SDR16C5: variants seen among roughly 807,000 people sequenced by gnomAD.
SDR16C5 encodes epidermal retinol dehydrogenase 2.
A neutral mutation model predicts 27.7 loss-of-function variants in SDR16C5; 20 were observed. The ratio of observed to expected loss-of-function variants is 0.72; its 90% CI spans 0.51 to 1.05. The LOEUF is 1.05. Ranked by LOEUF, SDR16C5 falls within the 50% of genes least tolerant of loss-of-function variation. The pLI, the probability that SDR16C5 is intolerant of heterozygous loss-of-function variation, is 0.00. For missense variants in SDR16C5, 374 were observed against 366.3 expected, an observed-to-expected ratio of 1.02 and a Z score of -0.17; for synonymous variants, 139 against 132.3, an observed-to-expected ratio of 1.05 and a Z score of -0.35.
intron 2 of SDR16C5, among the ~76,000 whole-genome samples, chr8:56,315,291 A>G (rs1376023808): frequency 1.3e-5 from 2 of 151,776 alleles, no homozygotes; most frequent in Admixed American, 1.3e-4. Flanking sequence ...ACGTGCCTCT[A>G]TGATGGTAAG....
intron 2 of SDR16C5, among the ~76,000 whole-genome samples, chr8:56,312,863 G>A (rs1385545209): frequency 1.4e-5 from 2 of 147,776 alleles, no homozygotes; most frequent in South Asian, 4.3e-4. Flanking sequence ...TGCAAGCTCC[G>A]CCTCCTGGGT....
chr8:56,317,571 A>G (rs545516778), intron 1 of SDR16C5, among the ~76,000 whole-genome samples: 1 of 152,256 alleles, frequency 6.6e-6, no homozygotes, highest in South Asian at 2.1e-4. Context: ...AGGAGACAGG[A>G]GGGGAGTAAT....
Position 56,301,660 on chromosome 8 carries a change from G to A in SDR16C5, c.837-87C>T, listed in dbSNP as rs566439896. On this transcript the variant is annotated intron_variant, in intron 6 of 6. Coordinates refer to ENST00000303749, the MANE Select transcript of SDR16C5 (RefSeq NM_138969.4). The stretch of plus-strand genomic sequence containing the variant: ...CTACTGAAAAGCAGTGTCACCTCTT[G>A]TGGCAGATGAAGTCACTCACTCATG... The A allele has an allele frequency of 2.8e-5, 27 of 971,580 alleles. No individual in the cohort carries two copies. In the South Asian group the frequency reaches 3.4e-4, roughly 12 times the overall value. The allele number at this position is 971,580 out of a possible 1,614,324, so 60.2% of individuals were successfully genotyped here.
intron 6 of SDR16C5, among the ~76,000 whole-genome samples, chr8:56,302,465 G>A (rs887148273): frequency 2.6e-5 from 4 of 151,966 alleles, no homozygotes; most frequent in Admixed American, 2.6e-4. Context: ...ACAAGGTCAG[G>A]AGTTTGAGAC....
intron 5 of SDR16C5, 101 bp from the exon 6 acceptor site, chr8:56,305,823 C>T (rs1814868883): frequency 8.3e-7 from 1 of 1,205,394 alleles, no homozygotes; most frequent in Non-Finnish European, 1.1e-6. Flanking sequence ...AAGACGTTAT[C>T]ACTTATTTCT....
chr8:56,313,227 T>G (rs1048794303), intron 2 of SDR16C5, among the ~76,000 whole-genome samples: 4 of 152,254 alleles, frequency 2.6e-5, no homozygotes, highest in Admixed American at 2.6e-4. Context: ...CATTTCATTT[T>G]AATCAATATG....
chr8:56,316,167 C>A lies in SDR16C5; in HGVS notation c.181G>T (p.Ala61Ser). 6.2e-7 allele frequency: 1 copy of A among 1,614,132 alleles called. No homozygotes were observed. The highest frequency in any genetic ancestry group is 8.5e-7 in the Non-Finnish European group (1 of 1,180,006). Residue 61 changes from alanine to serine, a missense_variant, in exon 2 of 7, where the codon GCC (alanine) becomes TCC (serine). Ala to Ser is a moderately conservative substitution (Grantham distance 99, BLOSUM62 1). Transcript: ENST00000303749. The stretch of plus-strand genomic sequence containing the variant: ...AGAACAAGAACAGATCCCAGCCGGG[C>A]AAACTGCAAGGCTAAGAGCCTTCCG... Reference protein sequence around the residue: ...GLGRLLALQFARLGSVLVLWD... With the variant: ...GLGRLLALQFSRLGSVLVLWD...
chr8:56,307,976 C>T (rs757283229), intron 4 of SDR16C5, among the ~76,000 whole-genome samples: 4 of 152,038 alleles, frequency 2.6e-5, no homozygotes, highest in African/African-American at 7.2e-5. Flanking sequence ...TTCAAAGGCC[C>T]GTGACAACAG....
chr8:56,308,321 T>A (rs951632934), intron 4 of SDR16C5, among the ~76,000 whole-genome samples: 2 of 152,160 alleles, frequency 1.3e-5, no homozygotes, highest in Admixed American at 1.3e-4. Flanking sequence ...GTAGGTTAGG[T>A]CAAGATTTCT....
chr8:56,302,756 G>T (rs1814789735), intron 6 of SDR16C5, among the ~76,000 whole-genome samples: 3 of 151,972 alleles, frequency 2.0e-5, no homozygotes, highest in Admixed American at 2.0e-4. Context: ...TGAGGTGGGA[G>T]GATTGCTTGA....
intron 6 of SDR16C5, among the ~76,000 whole-genome samples, chr8:56,303,096 C>G (rs1814798818): frequency 1.3e-5 from 2 of 151,836 alleles, no homozygotes; most frequent in African/African-American, 4.8e-5. Context: ...GGTGGATGAC[C>G]TGAGGTCGAG....
chr8:56,304,227 T>C (rs932218947), intron 6 of SDR16C5: 1 of 583,488 alleles, frequency 1.7e-6, no homozygotes, highest in African/African-American at 1.9e-5. Flanking sequence ...AATATCTATC[T>C]TCAAATAACT....
intron 1 of SDR16C5, among the ~76,000 whole-genome samples, chr8:56,318,484 T>C (rs1359918608): frequency 6.6e-6 from 1 of 152,228 alleles, no homozygotes; most frequent in Non-Finnish European, 1.5e-5. Flanking sequence ...TGGGAAACCC[T>C]AGGCGCCCTT....
Position 56,309,022 on chromosome 8 carries a change from A to G in SDR16C5, c.471T>C (p.Tyr157=), listed in dbSNP as rs1470703229. 1 of 1,604,086 alleles carries G rather than the reference A, an allele frequency of 6.2e-7. No homozygotes were observed. The highest frequency in any genetic ancestry group is 8.5e-7 in the Non-Finnish European group (1 of 1,175,662). Residue 157 remains tyrosine, a synonymous_variant, in exon 4 of 7, where the codon TAT becomes TAC. Transcript: ENST00000303749. ...CAATCATAGCAGGTAGAAAGGCTTT[A>G]TAAGTCTAAGAATACAAAGGAAAAC... ...DVNFKAHLWT[Y]KAFLPAMIAN...
chr8:56,313,362 C>T (rs1486902227), intron 2 of SDR16C5, among the ~76,000 whole-genome samples: 1 of 152,208 alleles, frequency 6.6e-6, no homozygotes, highest in African/African-American at 2.4e-5. Flanking sequence ...AATCACTTAA[C>T]AATGGAGATA....
At chr8:56,305,383 A>T (rs180858787) in intron 6 of SDR16C5, among the ~76,000 whole-genome samples, 1 of 152,352 alleles carries the variant, frequency 6.6e-6, no homozygotes, top group Admixed American at 6.5e-5. Flanking sequence ...AGGAAGGATT[A>T]GACCCCATTT....
intron 1 of SDR16C5, 138 bp from the exon 2 acceptor site, chr8:56,316,499 C>G (rs903906152): frequency 1.6e-6 from 1 of 625,242 alleles, no homozygotes; most frequent in African/African-American, 1.8e-5. Flanking sequence ...GTAGCAGACT[C>G]TGTATTCAGA....
chr8:56,315,264 C>A (rs895499469), intron 2 of SDR16C5, among the ~76,000 whole-genome samples: 6 of 148,178 alleles, frequency 4.0e-5, no homozygotes, highest in African/African-American at 1.2e-4. Context: ...AAAAAAAATT[C>A]CTTGTGAGGG....
chr8:56,310,139 G>A (rs1238979673), intron 3 of SDR16C5, among the ~76,000 whole-genome samples: 136 of 62,420 alleles, frequency 2.2e-3, no homozygotes, highest in South Asian at 7.2e-3. Flanking sequence ...GAGGAGGGAG[G>A]AGGAGGAGGA....
Sources: gnomAD v4.1 joint callset for allele counts (sites outside exome capture counted in the v4.1 genomes callset) on GRCh38, gnomAD v4.1.1 for gene constraint, MANE v1.5 for transcripts, NCBI Gene and HGNC (gene_info 2026-07-23, HGNC 2026-07-21) for gene names.